The following SOX8 variants were observed in gnomAD, a reference collection of about 807,000 sequenced individuals.
SOX8 encodes the protein SRY-box transcription factor 8, also known as transcription factor SOX-8.
A neutral mutation model predicts 22.9 loss-of-function variants in SOX8; 9 were observed. The ratio of observed to expected loss-of-function variants is 0.39; its 90% CI spans 0.24 to 0.69. The LOEUF is 0.69. Among genes scored for constraint, SOX8 ranks in the 30% least tolerant of loss-of-function variants. The pLI, the probability that SOX8 is intolerant of heterozygous loss-of-function variation, is 0.43. For missense variants in SOX8, 734 were observed against 699.4 expected (o/e 1.05, Z -0.56); for synonymous variants, 416 against 330.6 (o/e 1.26, Z -2.80).
In SOX8 at chr16:984,909, C is replaced by T. The variant is rs2073441765; in HGVS notation, c.864C>T (p.Tyr288=). The change falls in exon 3 of 3, where the codon TAC becomes TAT. Residue 288 remains tyrosine, a synonymous_variant. Coordinates refer to ENST00000293894, the MANE Select transcript of SOX8 (RefSeq NM_014587.5). ...TCGACGTCCACGAGTTCGACCAGTA[C>T]CTGCCCCTGGGCGGCCCCGCCCCAC... ...DAFDVHEFDQ[Y]LPLGGPAPPE... The T allele has an allele frequency of 1.2e-6, 2 of 1,608,174 alleles. No homozygotes were observed. The highest frequency in any genetic ancestry group is 1.1e-5 in the South Asian group (1 of 90,714).
In SOX8 at chr16:985,033, G is replaced by C. The variant is rs772347412; in HGVS notation, c.988G>C (p.Glu330Gln). 13 of 1,574,904 alleles carry C rather than the reference G, an allele frequency of 8.3e-6. No individual in the cohort carries two copies. In the African/African-American group the frequency reaches 1.8e-4, roughly 21 times the overall value. Residue 330 changes from glutamate to glutamine, a missense_variant, in exon 3 of 3, where the codon GAG (glutamate) becomes CAG (glutamine). Physicochemically the swap from Glu to Gln is conservative, Grantham distance 29 (BLOSUM62 2). Around this residue, in one of 3 missense-constraint regions of SOX8, gnomAD observed 588 missense variants for 568.2 expected, o/e 1.03. Transcript: ENST00000293894. ...CCCGTCGGCCTCCGCGTCGCCCACCGAGACGGGTCCCCCACGGCCGCACAT... is the reference window on the plus strand; with the variant it reads ...CCCGTCGGCCTCCGCGTCGCCCACCCAGACGGGTCCCCCACGGCCGCACAT... Reference protein sequence around the residue: ...SAPSASASPTETGPPRPHIKT... With the variant: ...SAPSASASPTQTGPPRPHIKT...
At position 984,855 on chromosome 16, in the gene SOX8, C is replaced by T. The variant is rs1186020306; in HGVS notation, c.810C>T (p.Ser270=). 6.2e-7 allele frequency: 1 copy of T among 1,612,190 alleles called. No individual in the cohort carries two copies. Among genetic ancestry groups the T allele is most frequent in the Non-Finnish European group, 8.5e-7 (1 of 1,179,556 alleles). ...DFSNVDISEL[S]SEVMGTMDAF... Reference sequence around the variant, plus strand: ...GCAACGTGGACATCTCGGAGCTCAGCAGCGAGGTCATGGGCACCATGGACG... The same window carrying T: ...GCAACGTGGACATCTCGGAGCTCAGTAGCGAGGTCATGGGCACCATGGACG... Residue 270 remains serine (S), a synonymous_variant, in exon 3 of 3, where the codon AGC becomes AGT. Coordinates refer to ENST00000293894, the MANE Select transcript of SOX8 (RefSeq NM_014587.5).
rs1191899486 is a variant in SOX8, at chr16:981,807, G to A, written c.-116G>A. 2.2e-5 allele frequency: 8 copies of A among 371,458 alleles called. No homozygotes were observed. The highest frequency in any genetic ancestry group is 1.5e-4 in the African/African-American group (6 of 40,536). The allele number at this position is 371,458 out of a possible 1,614,324, so 23.0% of individuals were successfully genotyped here. Reference sequence around the variant, plus strand: ...TCGGCGGCGGCGGCGGCGGCGGCAGGGGCGAGGGTCGGGGCCACCGCGCGG... The same window carrying A: ...TCGGCGGCGGCGGCGGCGGCGGCAGAGGCGAGGGTCGGGGCCACCGCGCGG... On this transcript the variant is annotated 5_prime_UTR_variant, in exon 1 of 3. Coordinates refer to ENST00000293894, the MANE Select transcript of SOX8 (RefSeq NM_014587.5).
Position 983,593 on chromosome 16 carries a change from A to G in SOX8, c.423-135A>G, listed in dbSNP as rs570552243. The stretch of plus-strand genomic sequence containing the variant: ...TGCCTGGTGCCACGGGAGGCTCCGG[A>G]GCGCACGGCAGGCGGGTTTCCCTGG... On this transcript the variant is annotated intron_variant, in intron 1 of 2. Transcript: ENST00000293894. 12 of 715,152 alleles carry G rather than the reference A, an allele frequency of 1.7e-5. No homozygotes were observed. The African/African-American group carries it at 2.0e-4, about 12-fold the overall frequency. 44.3% of individuals were successfully genotyped at this position (715,152 alleles called of 1,614,324 possible).
At position 985,636 on chromosome 16, in the gene SOX8, C is replaced by T. The variant is rs1323510658; in HGVS notation, c.*250C>T. 2.1e-6 allele frequency: 1 copy of T among 486,554 alleles called. No homozygotes were observed. Among genetic ancestry groups the T allele is most frequent in the South Asian group, 3.6e-5 (1 of 27,764 alleles). 30.1% of individuals were successfully genotyped at this position (486,554 alleles called of 1,614,324 possible). ...GGGATTATTCCACAAAGAAGGGCTG[C>T]CGTTTGGTCCCTCTTCCGTGAGGAC... On this transcript the variant is annotated 3_prime_UTR_variant, in exon 3 of 3. Transcript: ENST00000293894.
chr16:986,378 A>G lies in SOX8; in HGVS notation c.*992A>G, dbSNP rs79868118. ...CCCAGTACCAGTTTGGGGTTTGGGA[A>G]GCAGGACTCCGTCCCTGTCCCCGAC... On this transcript the variant is annotated 3_prime_UTR_variant, in exon 3 of 3. Transcript: ENST00000293894. 0.094 allele frequency: 14,320 copies of G among 152,368 alleles called. 792 individuals are homozygous for G. Among genetic ancestry groups the G allele is most frequent in the Middle Eastern group, 0.14 (42 of 294 alleles). The allele number at this position is 152,368 out of a possible 1,614,324, so 9.4% of individuals were successfully genotyped here.
Position 984,749 on chromosome 16 carries a change from T to A in SOX8, c.704T>A (p.Leu235Gln). 7 of 1,458,470 alleles carry A rather than the reference T, an allele frequency of 4.8e-6. No homozygotes were observed. Among genetic ancestry groups the A allele is most frequent in the Non-Finnish European group, 6.5e-6 (7 of 1,075,840 alleles). The allele number at this position is 1,458,470 out of a possible 1,614,324, so 90.3% of individuals were successfully genotyped here. A position where few individuals can be genotyped will look rare whatever the true frequency, so the allele number is the denominator to read the frequency against. The change falls in exon 3 of 3, where the codon CTG (leucine) becomes CAG (glutamine). Residue 235 changes from leucine (L) to glutamine (Q), a missense_variant. This residue lies in a region of SOX8 where 588 missense variants were observed against 568.2 expected (regional missense o/e 1.03). Coordinates refer to ENST00000293894, the MANE Select transcript of SOX8 (RefSeq NM_014587.5). ...PTPPTTPKTE[L>Q]QQAGAKPELK... ...CCGCCCACCACCCCCAAGACGGAGC[T>A]GCAGCAGGCGGGCGCCAAGCCGGAG...
Position 982,456 on chromosome 16 carries a change from G to A in SOX8, c.422+112G>A, listed in dbSNP as rs368802415. ...CTCGCGGAGGTGGTGGCCACACGCA[G>A]GCTCCGGGCTCTGCACCCCGGGCGG... On this transcript the variant is annotated intron_variant, in intron 1 of 2. Coordinates refer to ENST00000293894, the MANE Select transcript of SOX8 (RefSeq NM_014587.5). The A allele has an allele frequency of 4.1e-4, 463 of 1,132,044 alleles. 4 individuals are homozygous for A. In the African/African-American group the frequency reaches 7.0e-3, roughly 17 times the overall value. 70.1% of individuals were successfully genotyped at this position (1,132,044 alleles called of 1,614,324 possible). A position where few individuals can be genotyped will look rare whatever the true frequency, so the allele number is the denominator to read the frequency against.
In SOX8 at chr16:985,605, G is replaced by T. The variant is rs938378330; in HGVS notation, c.*219G>T. ...CTCTCCCTTCTATCTTTCTTTTTGA[G>T]GTGGTGGGATTATTCCACAAAGAAG... On this transcript the variant is annotated 3_prime_UTR_variant, in exon 3 of 3. Coordinates refer to ENST00000293894, the MANE Select transcript of SOX8 (RefSeq NM_014587.5). The T allele has an allele frequency of 5.8e-6, 3 of 513,304 alleles. No individual in the cohort carries two copies. The highest frequency in any genetic ancestry group is 2.0e-5 in the African/African-American group (1 of 50,084). 31.8% of individuals were successfully genotyped at this position (513,304 alleles called of 1,614,324 possible).
In SOX8 at chr16:985,568, C is replaced by T. The variant is rs563767500; in HGVS notation, c.*182C>T. The T allele has an allele frequency of 1.7e-5, 9 of 544,460 alleles. No homozygotes were observed. Among genetic ancestry groups the T allele is most frequent in the African/African-American group, 3.9e-5 (2 of 50,956 alleles). 33.7% of individuals were successfully genotyped at this position (544,460 alleles called of 1,614,324 possible). A position where few individuals can be genotyped will look rare whatever the true frequency, so the allele number is the denominator to read the frequency against. On this transcript the variant is annotated 3_prime_UTR_variant, in exon 3 of 3. Transcript: ENST00000293894. ...CAGATGGCCACACCTCTGCCGACGA[C>T]GGACCAGCTCCCTCTCCCTTCTATC... is the stretch of plus-strand genomic sequence containing the variant.
In SOX8 at chr16:984,717, G is replaced by A. The variant is rs373852161; in HGVS notation, c.672G>A (p.Pro224=). 2.1e-5 allele frequency: 32 copies of A among 1,543,378 alleles called. No homozygotes were observed. Among genetic ancestry groups the A allele is most frequent in the South Asian group, 8.3e-5 (7 of 84,344 alleles). Residue 224 remains proline (P), a synonymous_variant, in exon 3 of 3, where the codon CCG becomes CCA. Transcript: ENST00000293894. ...TGTCCCCAGGGCAGACCCACGGGCC[G>A]CCCACCCCGCCCACCACCCCCAAGA... The part of the protein sequence containing the change: ...HGDHTGQTHG[P]PTPPTTPKTE...
intron 1 of SOX8, 45 bp downstream of exon 1, chr16:982,389 C>G: frequency 7.7e-7 from 1 of 1,300,776 alleles, no homozygotes; most frequent in Non-Finnish European, 9.8e-7. Context: ...CCTTGGCCGC[C>G]CCTGGTCTCG....
At position 981,904 on chromosome 16, in the gene SOX8, C is replaced by G. The variant is rs2073390769; in HGVS notation, c.-19C>G. ...CCCGGTGCGCGTCTCCTGTGCGCGCCCCTCCGCGCGCGGCCCCGATGCTGG... is the reference window on the plus strand; with the variant it reads ...CCCGGTGCGCGTCTCCTGTGCGCGCGCCTCCGCGCGCGGCCCCGATGCTGG... On this transcript the variant is annotated 5_prime_UTR_variant, in exon 1 of 3. Coordinates refer to ENST00000293894, the MANE Select transcript of SOX8 (RefSeq NM_014587.5). 5.7e-6 allele frequency: 7 copies of G among 1,227,654 alleles called. No individual in the cohort carries two copies. In the South Asian group the frequency reaches 1.6e-4, roughly 28 times the overall value. The allele number at this position is 1,227,654 out of a possible 1,614,324, so 76.0% of individuals were successfully genotyped here. A position where few individuals can be genotyped will look rare whatever the true frequency, so the allele number is the denominator to read the frequency against.
At chr16:982,679 C>T in intron 1 of SOX8, 1 of 254,298 alleles carries the variant, frequency 3.9e-6, no homozygotes, top group Non-Finnish European at 7.5e-6. Context: ...CCAGCCGTTG[C>T]GAGTGGCCCC....
Position 982,198 on chromosome 16 carries a change from CG to C in SOX8, c.278del (p.Gly93AlafsTer10). ...LVPMPVRGGG[G>X]GALKAKPHVK... is the part of the protein sequence containing the mutation. ...TGCCCATGCCGGTGCGCGGCGGCGG[CG>C]GCGGCGCGCTCAAAGCCAAGCCGCA... is the stretch of plus-strand genomic sequence containing the variant. On this transcript the variant is annotated frameshift_variant, in exon 1 of 3. Transcript: ENST00000293894. LOFTEE classifies it high-confidence loss of function. 6.6e-7 allele frequency: 1 copy of C among 1,508,730 alleles called. No individual in the cohort carries two copies. The highest frequency in any genetic ancestry group is 2.7e-5 in the East Asian group (1 of 37,274). 93.5% of individuals were successfully genotyped at this position (1,508,730 alleles called of 1,614,324 possible).
chr16:983,411 C>T (rs2073424626), intron 1 of SOX8: 1 of 229,854 alleles, frequency 4.4e-6, no homozygotes, highest in Non-Finnish European at 8.4e-6. Flanking sequence ...CCTCCCCCGC[C>T]TCCCTTAGAA....
At position 983,941 on chromosome 16, in the gene SOX8, C is replaced by T. The variant is rs756325724; in HGVS notation, c.636C>T (p.His212=). The change falls in exon 2 of 3, where the codon CAC becomes CAT. Residue 212 remains histidine, a synonymous_variant. Transcript: ENST00000293894. ...YKAEAGLGDG[H]HHGDHTGQTH... ...CTGAAGCAGGGCTTGGAGATGGGCA[C>T]CACCATGGCGACCACACAGGTGGGC... is the stretch of plus-strand genomic sequence containing the variant. 6.5e-7 allele frequency: 1 copy of T among 1,546,492 alleles called. No individual in the cohort carries two copies. Among genetic ancestry groups the T allele is most frequent in the South Asian group, 1.2e-5 (1 of 84,622 alleles).
Position 982,006 on chromosome 16 carries a change from G to A in SOX8, c.84G>A (p.Ser28=). 2 of 1,418,024 alleles carry A rather than the reference G, an allele frequency of 1.4e-6. No homozygotes were observed. The highest frequency in any genetic ancestry group is 3.1e-5 in the East Asian group (1 of 32,322). 87.8% of individuals were successfully genotyped at this position (1,418,024 alleles called of 1,614,324 possible). The change falls in exon 1 of 3, where the codon TCG becomes TCA. Residue 28 remains serine (S), a synonymous_variant. Transcript: ENST00000293894. ...GCTCCATGTCGCACGTGGAGGACTC[G>A]GACTCGGACGCGCCGCCGTCTCCCG... ...TASSMSHVED[S]DSDAPPSPAG...
chr16:982,618 C>T (rs2073409761), intron 1 of SOX8: 1 of 359,972 alleles, frequency 2.8e-6, no homozygotes, highest in Non-Finnish European at 5.0e-6. Flanking sequence ...GCCAGTTCTC[C>T]TGGCGGGGAA....
Sources: allele counts gnomAD v4.1 joint callset, GRCh38; gene constraint gnomAD v4.1.1; regional missense constraint gnomAD v4.1.1; transcripts MANE v1.5; gene names NCBI Gene and HGNC (gene_info 2026-07-23, HGNC 2026-07-21).